The following AK5 variants were observed in gnomAD, a reference collection of about 807,000 sequenced individuals.
AK5 encodes adenylate kinase isoenzyme 5.
Under a neutral mutation model 69.5 loss-of-function variants are expected in AK5, and 27 were observed. The observed-to-expected ratio is 0.39, with a 90% CI of 0.29 to 0.54. AK5 has a LOEUF of 0.54. Ranked by LOEUF, AK5 falls within the 20% of genes least tolerant of loss-of-function variation. The pLI is 0.71. For missense variants in AK5, 531 were observed against 700.4 expected (o/e 0.76, Z 2.73); for synonymous variants, 260 against 244.4 (o/e 1.06, Z -0.60).
chr1:77,389,396 T>C (rs544317179), intron 6 of AK5, among the ~76,000 whole-genome samples: 5 of 152,216 alleles, frequency 3.3e-5, no homozygotes, highest in African/African-American at 1.2e-4. Flanking sequence ...GCCTTGCTAA[T>C]AGGGAAGAAG....
At chr1:77,351,772 C>T (rs571697541) in intron 6 of AK5, among the ~76,000 whole-genome samples, 2 of 152,136 alleles carry the variant, frequency 1.3e-5, no homozygotes, top group East Asian at 1.9e-4. Flanking sequence ...GGCTGCAAAA[C>T]GGAGTTTTTA....
intron 5 of AK5, among the ~76,000 whole-genome samples, chr1:77,336,532 C>T (rs1403790680): frequency 4.6e-5 from 7 of 152,182 alleles, no homozygotes; most frequent in Admixed American, 6.5e-5. Flanking sequence ...AAGTTATCAT[C>T]GTTATTATTT....
At chr1:77,402,591 C>T (rs1384156890) in intron 6 of AK5, among the ~76,000 whole-genome samples, 2 of 151,972 alleles carry the variant, frequency 1.3e-5, no homozygotes, top group African/African-American at 4.8e-5. Context: ...TGATGATTTC[C>T]AGCTTCATCC....
rs191165371 is a variant in AK5 at position 77,501,655 on chromosome 1, G to A, written c.1147+15303G>A. On this transcript the variant is annotated intron_variant, in intron 10 of 13. Coordinates refer to ENST00000354567, the MANE Select transcript of AK5 (RefSeq NM_174858.3). The stretch of plus-strand genomic sequence containing the variant: ...TCCTTTATGCAGTTCATCATTGAGC[G>A]AAATGTTGTTATGCAGCCCTTCTCC... Among the ~76,000 whole-genome samples the A allele has an allele frequency of 1.0e-3, 154 of 152,308 alleles. 2 individuals are homozygous for A. The highest frequency in any genetic ancestry group is 1.8e-3 in the Non-Finnish European group (120 of 68,018).
At chr1:77,523,639 T>G (rs1658114294) in intron 12 of AK5, among the ~76,000 whole-genome samples, 1 of 152,168 alleles carries the variant, frequency 6.6e-6, no homozygotes, top group African/African-American at 2.4e-5. Flanking sequence ...ACTCTTTTTA[T>G]CTGCTAAACT....
At chr1:77,375,240 C>T (rs1489066747) in intron 6 of AK5, among the ~76,000 whole-genome samples, 2 of 99,152 alleles carry the variant, frequency 2.0e-5, no homozygotes, top group Non-Finnish European at 4.2e-5. Flanking sequence ...CAGAGTAGTG[C>T]AGATCATCAA....
intron 8 of AK5, among the ~76,000 whole-genome samples, chr1:77,478,732 A>C (rs1440669890): frequency 6.6e-6 from 1 of 152,180 alleles, no homozygotes; most frequent in Non-Finnish European, 1.5e-5. Flanking sequence ...TGGTGAACCC[A>C]TCTGTGAGAC....
chr1:77,336,384 C>T (rs1443020323), intron 5 of AK5, among the ~76,000 whole-genome samples: 3 of 152,034 alleles, frequency 2.0e-5, no homozygotes, highest in African/African-American at 7.3e-5. Context: ...CTGGCCATAA[C>T]CCATATTTTA....
intron 6 of AK5, among the ~76,000 whole-genome samples, chr1:77,383,606 A>G (rs891612906): frequency 3.9e-4 from 60 of 152,206 alleles, no homozygotes; most frequent in Non-Finnish European, 5.9e-5. Flanking sequence ...TTCATGGGAA[A>G]AGCAAAGGAC....
At chr1:77,373,998 G>A (rs1647175460) in intron 6 of AK5, among the ~76,000 whole-genome samples, 1 of 152,138 alleles carries the variant, frequency 6.6e-6, no homozygotes, top group African/African-American at 2.4e-5. Context: ...ATGCCTTTCA[G>A]CCCATAAAAT....
intron 8 of AK5, among the ~76,000 whole-genome samples, chr1:77,478,781 A>G (rs1655092969): frequency 6.6e-6 from 1 of 152,202 alleles, no homozygotes; most frequent in Non-Finnish European, 1.5e-5. Context: ...TTAAAATTCA[A>G]TAATTCAAGG....
intron 6 of AK5, among the ~76,000 whole-genome samples, chr1:77,406,435 G>A (rs1315926752): frequency 6.6e-6 from 1 of 152,078 alleles, no homozygotes; most frequent in Non-Finnish European, 1.5e-5. Context: ...AAAAGTATCA[G>A]AGATGAGAGA....
chr1:77,326,853 C>A (rs1179497255), intron 5 of AK5, among the ~76,000 whole-genome samples: 1 of 146,666 alleles, frequency 6.8e-6, no homozygotes, highest in Non-Finnish European at 1.5e-5. Flanking sequence ...TAGTTAGCTC[C>A]AAATTTTTTT....
intron 6 of AK5, among the ~76,000 whole-genome samples, chr1:77,408,484 T>C (rs982632234): frequency 4.6e-5 from 7 of 152,170 alleles, no homozygotes; most frequent in Non-Finnish European, 7.4e-5. Context: ...ATTTGTTTTT[T>C]GCTTGTTGAA....
At chr1:77,528,274 G>A (rs1658393243) in intron 12 of AK5, among the ~76,000 whole-genome samples, 1 of 151,930 alleles carries the variant, frequency 6.6e-6, no homozygotes, top group South Asian at 2.1e-4. Flanking sequence ...TGAAAGCATA[G>A]TATTTCCCCT....
intron 10 of AK5, among the ~76,000 whole-genome samples, chr1:77,510,973 AAATAT>A (rs1277553113): frequency 2.0e-5 from 3 of 149,298 alleles, no homozygotes; most frequent in African/African-American, 4.9e-5. Context: ...GTCTCCTGTA[AAATAT>A]AATATATATA....
At chr1:77,531,975 A>C (rs1243365695) in intron 12 of AK5, 3 of 134,768 alleles carry the variant, frequency 2.2e-5, no homozygotes, top group Admixed American at 8.1e-5. Context: ...TAAGCCCCTC[A>C]CTGCCTGCGG....
At chr1:77,306,437 T>C (rs943724016) in intron 5 of AK5, among the ~76,000 whole-genome samples, 4 of 151,972 alleles carry the variant, frequency 2.6e-5, no homozygotes, top group Non-Finnish European at 5.9e-5. Context: ...TCTCACTTGG[T>C]TATGATGAAT....
Position 77,558,899 on chromosome 1 carries a change from T to C in AK5, c.*229T>C, listed in dbSNP as rs1660278794. The stretch of plus-strand genomic sequence containing the variant: ...ACCTATTCTCCACACTTCAGACAAC[T>C]GTCTGCACTCACGGCACACACACTT... On this transcript the variant is annotated 3_prime_UTR_variant, in exon 14 of 14. Coordinates refer to ENST00000354567, the MANE Select transcript of AK5 (RefSeq NM_174858.3). 2.0e-6 allele frequency: 1 copy of C among 493,826 alleles called. No individual in the cohort carries two copies. Among genetic ancestry groups the C allele is most frequent in the African/African-American group, 1.9e-5 (1 of 51,970 alleles). 30.6% of individuals were successfully genotyped at this position (493,826 alleles called of 1,614,324 possible).
Sources: gnomAD v4.1 joint callset for allele counts (sites outside exome capture counted in the v4.1 genomes callset) on GRCh38, gnomAD v4.1.1 for gene constraint, MANE v1.5 for transcripts, NCBI Gene and HGNC (gene_info 2026-07-23, HGNC 2026-07-21) for gene names.